The following FAM76A variants were observed in gnomAD, a reference collection of about 807,000 sequenced individuals.
FAM76A encodes protein FAM76A.
In FAM76A, 32 loss-of-function variants were observed where a neutral mutation model predicts 46.2. That is an observed-to-expected ratio of 0.69 (90% confidence interval 0.52 to 0.93). The LOEUF (loss-of-function observed/expected upper bound fraction) is 0.93, where lower values mean the gene tolerates loss of function less well. Among genes scored for constraint, FAM76A ranks in the 40% least tolerant of loss-of-function variants. The pLI is 0.00. For missense variants in FAM76A, 274 were observed against 361.5 expected (o/e 0.76, Z 1.96); for synonymous variants, 137 against 127.0 (o/e 1.08, Z -0.53).
chr1:27,739,533 T>C (rs1326096895), intron 4 of FAM76A: 1 of 337,352 alleles, frequency 3.0e-6, no homozygotes, highest in East Asian at 8.5e-5. Flanking sequence ...ACACCTGTAA[T>C]CGTAGCACTT....
Position 27,727,539 on chromosome 1 carries a change from A to G in FAM76A, c.146+3A>G. On this transcript the variant is annotated splice_donor_region_variant and intron_variant, in intron 2 of 8. Coordinates refer to ENST00000373954, the MANE Select transcript of FAM76A (RefSeq NM_152660.3). ...AGGACTGAGTACCAGCAGGAGAGGT[A>G]GAGTTTTGTTGACCATGAAAGATAT... 1.2e-6 allele frequency: 2 copies of G among 1,612,452 alleles called. No individual in the cohort carries two copies. Among genetic ancestry groups the G allele is most frequent in the Middle Eastern group, 1.7e-4 (1 of 6,060 alleles).
intron 6 of FAM76A, among the ~76,000 whole-genome samples, chr1:27,754,974 C>G (rs2088386057): frequency 6.6e-6 from 1 of 152,144 alleles, no homozygotes; most frequent in Admixed American, 6.5e-5. Flanking sequence ...AGGGATGCTG[C>G]CAGGTTGTGG....
At chr1:27,759,412 A>T in intron 7 of FAM76A, 114 bp from the exon 8 acceptor site, 1 of 616,324 alleles carries the variant, frequency 1.6e-6, no homozygotes, top group Non-Finnish European at 2.9e-6. Flanking sequence ...TTAGATACGG[A>T]TCTGCAGGAG....
intron 4 of FAM76A, among the ~76,000 whole-genome samples, chr1:27,741,882 CAA>C (rs755613015): frequency 2.2e-4 from 24 of 109,502 alleles, no homozygotes; most frequent in Non-Finnish European, 2.3e-4. Flanking sequence ...GACTCTATCT[CAA>C]AAAAAAAAAA....
At chr1:27,753,265 T>C (rs904450005) in intron 6 of FAM76A, among the ~76,000 whole-genome samples, 1 of 152,180 alleles carries the variant, frequency 6.6e-6, no homozygotes, top group Non-Finnish European at 1.5e-5. Flanking sequence ...TATTTATTGG[T>C]ATGGGGGGAA....
intron 2 of FAM76A, among the ~76,000 whole-genome samples, chr1:27,728,946 G>A (rs568553223): frequency 4.0e-5 from 6 of 151,462 alleles, no homozygotes; most frequent in Admixed American, 2.0e-4. Flanking sequence ...CCTGGGTGAC[G>A]GGGGGAAACT....
rs1356984797 is a variant in FAM76A, at chr1:27,762,741, TAGG to T, written c.*2161_*2163del. ...TTTGCATTGACTATGGGAGAAAAAT[TAGG>T]GGGAAATGACAGTCATGGTGTTTTT... On this transcript the variant is annotated 3_prime_UTR_variant, in exon 9 of 9. Transcript: ENST00000373954. 6.6e-6 allele frequency: 1 copy of T among 151,992 alleles called. No individual in the cohort carries two copies. The highest frequency in any genetic ancestry group is 1.9e-4 in the East Asian group (1 of 5,190). 9.4% of individuals were successfully genotyped at this position (151,992 alleles called of 1,614,324 possible). A position where few individuals can be genotyped will look rare whatever the true frequency, so the allele number is the denominator to read the frequency against.
intron 5 of FAM76A, among the ~76,000 whole-genome samples, chr1:27,746,289 T>C (rs1007591954): frequency 9.2e-5 from 14 of 152,288 alleles, no homozygotes; most frequent in South Asian, 4.1e-4. Flanking sequence ...GGTGAATAGA[T>C]AGAGCCTTAA....
rs904733264 is a variant in FAM76A, at chr1:27,727,675, A to T, written c.146+139A>T. ...CTGTAATCAATCACATTATATACAG[A>T]CTATAATTGCTAAATATTTAGGTCT... On this transcript the variant is annotated intron_variant, in intron 2 of 8. Transcript: ENST00000373954. 8 of 647,050 alleles carry T rather than the reference A, an allele frequency of 1.2e-5. No individual in the cohort carries two copies. In the African/African-American group the frequency reaches 1.5e-4, roughly 12 times the overall value. The allele number at this position is 647,050 out of a possible 1,614,324, so 40.1% of individuals were successfully genotyped here. A position where few individuals can be genotyped will look rare whatever the true frequency, so the allele number is the denominator to read the frequency against.
In FAM76A at chr1:27,744,828, T is replaced by C. The variant is rs374146276; in HGVS notation, c.512+17T>C. On this transcript the variant is annotated intron_variant, in intron 5 of 8. Transcript: ENST00000373954. ...TTATAACAGGTAACCTCAAGACACA[T>C]GAGATGGGACTAGAAGTGCTGGTAG... The C allele has an allele frequency of 1.9e-6, 3 of 1,610,824 alleles. No individual in the cohort carries two copies. Among genetic ancestry groups the C allele is most frequent in the Non-Finnish European group, 2.5e-6 (3 of 1,177,680 alleles).
At position 27,758,128 on chromosome 1, in the gene FAM76A, A is replaced by G. The variant is rs74463019; in HGVS notation, c.736-1398A>G. On this transcript the variant is annotated intron_variant, in intron 7 of 8. Coordinates refer to ENST00000373954, the MANE Select transcript of FAM76A (RefSeq NM_152660.3). Reference sequence around the variant, plus strand: ...TTCAGAATGCTGTGATTCATTCTGAATAGCTAAGACATTGATGTAAATTCC... The same window carrying G: ...TTCAGAATGCTGTGATTCATTCTGAGTAGCTAAGACATTGATGTAAATTCC... Among the ~76,000 whole-genome samples, 23 of 152,316 alleles carry G rather than the reference A, an allele frequency of 1.5e-4. No homozygotes were observed. In the East Asian group the frequency reaches 4.2e-3, roughly 28 times the overall value.
At chr1:27,726,251 C>T (rs1026541846) in intron 1 of FAM76A, 90 bp downstream of exon 1, 9 of 1,147,418 alleles carry the variant, frequency 7.8e-6, no homozygotes, top group South Asian at 4.1e-5. Flanking sequence ...GGCGGGGTCC[C>T]CGGAGCAGGG....
Position 27,728,978 on chromosome 1 carries a change from GT to G in FAM76A, c.146+1443del, listed in dbSNP as rs1431202357. 3.3e-5 allele frequency among the ~76,000 whole-genome samples: 5 copies of G among 150,782 alleles called. No individual in the cohort carries two copies. The East Asian group carries it at 5.9e-4, about 18-fold the overall frequency. On this transcript the variant is annotated intron_variant, in intron 2 of 8. Coordinates refer to ENST00000373954, the MANE Select transcript of FAM76A (RefSeq NM_152660.3). ...AACTCTGTCTCAAAAAAAAAAAAAA[GT>G]GTGAAATGCAGGTATGAGTGGTCAG...
rs550956639 is a variant in FAM76A at position 27,725,981 on chromosome 1, C to T, written c.-100C>T. On this transcript the variant is annotated 5_prime_UTR_variant, in exon 1 of 9. Transcript: ENST00000373954. The stretch of plus-strand genomic sequence containing the variant: ...GACCCGCCTGCGCCCGCCCGCCTGC[C>T]GCAGCCAGCAGCCTGCAGCCGCCGC... 229 of 971,728 alleles carry T rather than the reference C, an allele frequency of 2.4e-4. No homozygotes were observed. In the African/African-American group the frequency reaches 3.3e-3, roughly 14 times the overall value. The allele number at this position is 971,728 out of a possible 1,614,324, so 60.2% of individuals were successfully genotyped here. A position where few individuals can be genotyped will look rare whatever the true frequency, so the allele number is the denominator to read the frequency against.
chr1:27,740,535 G>A, intron 4 of FAM76A: 1 of 1,328,996 alleles, frequency 7.5e-7, no homozygotes, highest in South Asian at 1.2e-5. Context: ...ATGTCTGGAA[G>A]CGTTGTTATG....
At chr1:27,747,770 A>T (rs2088263707) in intron 5 of FAM76A, among the ~76,000 whole-genome samples, 1 of 151,794 alleles carries the variant, frequency 6.6e-6, no homozygotes, top group Non-Finnish European at 1.5e-5. Flanking sequence ...TACAAAATTA[A>T]CTGGGTGTGG....
At chr1:27,759,488 A>C in intron 7 of FAM76A, 38 bp from the exon 8 acceptor site, 1 of 1,459,500 alleles carries the variant, frequency 6.9e-7, no homozygotes, top group Non-Finnish European at 9.4e-7. Flanking sequence ...TTTATTGCAC[A>C]GAAATTTCTT....
intron 4 of FAM76A, chr1:27,740,081 C>T (rs909707638): frequency 8.2e-5 from 34 of 416,070 alleles, no homozygotes; most frequent in Middle Eastern, 7.7e-4. Flanking sequence ...TTGTTCCCAA[C>T]GTCACCTTTG....
chr1:27,758,256 G>A (rs1425427636), intron 7 of FAM76A, among the ~76,000 whole-genome samples: 5 of 152,108 alleles, frequency 3.3e-5, no homozygotes, highest in Non-Finnish European at 7.4e-5. Context: ...GCGGAACAAG[G>A]GACTGGAAGT....
Sources: allele counts gnomAD v4.1 joint callset (sites outside exome capture counted in the v4.1 genomes callset), GRCh38; gene constraint gnomAD v4.1.1; transcripts MANE v1.5; gene names NCBI Gene and HGNC (gene_info 2026-07-23, HGNC 2026-07-21).